NAALADL2: variants seen among roughly 807,000 people sequenced by gnomAD.
The protein encoded by NAALADL2 is inactive N-acetylated-alpha-linked acidic dipeptidase-like protein 2.
NAALADL2 carries 76 observed loss-of-function variants against 87.2 expected under a neutral mutation model. The observed-to-expected ratio is 0.87, with a 90% CI of 0.72 to 1.05. The LOEUF (loss-of-function observed/expected upper bound fraction) is 1.05, where lower values mean the gene tolerates loss of function less well. NAALADL2 is among the 50% of genes least tolerant of loss of function. NAALADL2 has a pLI of 0.00. For synonymous variants in NAALADL2, 354 were observed against 331.0 expected (o/e 1.07, Z -0.75); for missense variants, 1,089 against 945.8 (o/e 1.15, Z -1.99).
chr3:174,986,247 A>G (rs1223405417), intron 1 of NAALADL2, among the ~76,000 whole-genome samples: 1 of 147,454 alleles, frequency 6.8e-6, no homozygotes, highest in Non-Finnish European at 1.5e-5. Context: ...GTATATATAT[A>G]TTCAATATAT....
intron 2 of NAALADL2, among the ~76,000 whole-genome samples, chr3:175,118,868 C>T (rs529001177): frequency 6.6e-6 from 1 of 151,754 alleles, no homozygotes; most frequent in South Asian, 2.1e-4. Context: ...AGCTGTGGTA[C>T]TCAGATATCT....
intron 5 of NAALADL2, among the ~76,000 whole-genome samples, chr3:175,427,906 T>C (rs183306128): frequency 3.9e-5 from 6 of 152,298 alleles, no homozygotes; most frequent in Middle Eastern, 3.4e-3. Context: ...TTGGAAGTTG[T>C]AGAAACGTTG....
intron 1 of NAALADL2, among the ~76,000 whole-genome samples, chr3:174,958,182 C>T (rs1413244692): frequency 6.7e-6 from 1 of 150,026 alleles, no homozygotes; most frequent in Non-Finnish European, 1.5e-5. Context: ...TACTTATTTA[C>T]AAGTCTATCT....
intron 2 of NAALADL2, among the ~76,000 whole-genome samples, chr3:174,713,151 G>A (rs1157973383): frequency 6.6e-6 from 1 of 152,188 alleles, no homozygotes; most frequent in East Asian, 1.9e-4. Flanking sequence ...TTTTATGGCT[G>A]CATAGTATTC....
chr3:175,695,225 A>G (rs1560988391), intron 11 of NAALADL2, among the ~76,000 whole-genome samples: 1 of 152,154 alleles, frequency 6.6e-6, no homozygotes, highest in Non-Finnish European at 1.5e-5. Flanking sequence ...CTGTTTTTCT[A>G]CTCCTTCCAT....
At chr3:175,367,989 G>T (rs1423689454) in intron 5 of NAALADL2, among the ~76,000 whole-genome samples, 3 of 151,996 alleles carry the variant, frequency 2.0e-5, no homozygotes, top group African/African-American at 7.3e-5. Flanking sequence ...ATTGGCTGTG[G>T]GTTTGTCATA....
Position 174,804,707 on chromosome 3 carries a change from T to C in NAALADL2, c.-9+66961T>C, listed in dbSNP as rs143647537. Among the ~76,000 whole-genome samples the C allele has an allele frequency of 5.9e-3, 900 of 152,220 alleles. 4 individuals carry two copies. The highest frequency in any genetic ancestry group is 0.017 in the Middle Eastern group (5 of 294). ...GACTAAAGAAAGGAATAGATGGAAA[T>C]TTATATGTGACTGTCAGAACATTTT... is the stretch of plus-strand genomic sequence containing the variant. On this transcript the variant is annotated intron_variant, in intron 3 of 3. Transcript: ENST00000434257.
In NAALADL2 at chr3:174,772,936, G is replaced by A. The variant is rs542194442; in HGVS notation, c.-9+35190G>A. Among the ~76,000 whole-genome samples the A allele has an allele frequency of 1.6e-4, 25 of 152,254 alleles. No homozygotes were observed. The South Asian group carries it at 4.8e-3, about 29-fold the overall frequency. Reference sequence around the variant, plus strand: ...GTGTTAAAGGAATTAAAAAATACAGGGATGCCATCAGTCCAGTTCTGAATG... The same window carrying A: ...GTGTTAAAGGAATTAAAAAATACAGAGATGCCATCAGTCCAGTTCTGAATG... On this transcript the variant is annotated intron_variant, in intron 3 of 3. Transcript: ENST00000434257.
At chr3:175,609,672 T>C (rs986965084) in intron 10 of NAALADL2, 1 of 152,208 alleles carries the variant, frequency 6.6e-6, no homozygotes, top group Non-Finnish European at 1.5e-5. Context: ...TCAACCTTTT[T>C]TCTTTCATTA....
chr3:174,686,049 T>A (rs370957865), intron 2 of NAALADL2, among the ~76,000 whole-genome samples: 2 of 152,130 alleles, frequency 1.3e-5, no homozygotes, highest in East Asian at 3.9e-4. Flanking sequence ...TGTGCCATAT[T>A]TTCTTTATCC....
chr3:174,947,872 A>G (rs1021162262), intron 1 of NAALADL2, among the ~76,000 whole-genome samples: 14 of 152,216 alleles, frequency 9.2e-5, no homozygotes, highest in African/African-American at 3.4e-4. Context: ...TTTATTTTCT[A>G]ATAACAAATA....
At chr3:174,704,322 GTATTC>G (rs1352264772) in intron 2 of NAALADL2, among the ~76,000 whole-genome samples, 1 of 152,090 alleles carries the variant, frequency 6.6e-6, no homozygotes, top group Non-Finnish European at 1.5e-5. Flanking sequence ...TCATCAGACA[GTATTC>G]TATGGTATAT....
chr3:175,372,296 T>C (rs183365713), intron 5 of NAALADL2, among the ~76,000 whole-genome samples: 20 of 152,366 alleles, frequency 1.3e-4, no homozygotes, highest in Non-Finnish European at 2.8e-4. Flanking sequence ...CTCTGCCTTC[T>C]GGAGCGAAAA....
At chr3:175,528,190 G>A (rs960264051) in intron 9 of NAALADL2, among the ~76,000 whole-genome samples, 3 of 151,866 alleles carry the variant, frequency 2.0e-5, no homozygotes, top group Non-Finnish European at 2.9e-5. Flanking sequence ...TATAAATAAC[G>A]GGGAGTTTAT....
At chr3:174,565,824 A>C (rs1051832216) in intron 2 of NAALADL2, among the ~76,000 whole-genome samples, 1 of 152,134 alleles carries the variant, frequency 6.6e-6, no homozygotes, top group Middle Eastern at 3.4e-3. Context: ...TCACATCCTC[A>C]GCAGCATTTG....
chr3:174,828,662 T>G (rs1004963263), intron 3 of NAALADL2, among the ~76,000 whole-genome samples: 3 of 152,236 alleles, frequency 2.0e-5, no homozygotes, highest in African/African-American at 7.2e-5. Context: ...TTAGTGTGTC[T>G]TCTTTGAATA....
At chr3:175,062,611 G>T (rs962206633) in intron 1 of NAALADL2, among the ~76,000 whole-genome samples, 1 of 151,550 alleles carries the variant, frequency 6.6e-6, no homozygotes, top group Non-Finnish European at 1.5e-5. Context: ...AACTATAAAT[G>T]CTCTTACATT....
intron 2 of NAALADL2, among the ~76,000 whole-genome samples, chr3:174,660,729 C>G (rs1725426524): frequency 6.6e-6 from 1 of 151,920 alleles, no homozygotes; most frequent in Non-Finnish European, 1.5e-5. Flanking sequence ...ATACATTGTA[C>G]TTTTTTAATA....
intron 10 of NAALADL2, among the ~76,000 whole-genome samples, chr3:175,611,635 C>A (rs536381770): frequency 1.3e-5 from 2 of 152,116 alleles, no homozygotes; most frequent in South Asian, 2.1e-4. Flanking sequence ...TGGAGAAAAT[C>A]GAGATAACTG....
Sources: allele counts gnomAD v4.1 joint callset (sites outside exome capture counted in the v4.1 genomes callset), GRCh38; gene constraint gnomAD v4.1.1; transcripts MANE v1.5; gene names NCBI Gene and HGNC (gene_info 2026-07-23, HGNC 2026-07-21).